Variants in SLC9A9 observed in about 807,000 individuals in gnomAD.
The protein encoded by SLC9A9 is sodium/hydrogen exchanger 9.
A neutral mutation model predicts 77.8 loss-of-function variants in SLC9A9; 62 were observed. That is an observed-to-expected ratio of 0.80 (90% CI 0.65 to 0.98). The LOEUF is 0.98. Among genes scored for constraint, SLC9A9 ranks in the 50% least tolerant of loss-of-function variants. The probability of loss-of-function intolerance (pLI) is 0.00; values close to 1 mark genes in which losing one functional copy is unlikely to be tolerated. For missense variants in SLC9A9, 775 were observed against 774.9 expected (o/e 1.00, Z 0.00); for synonymous variants, 320 against 283.5 (o/e 1.13, Z -1.29).
intron 12 of SLC9A9, among the ~76,000 whole-genome samples, chr3:143,437,894 T>G (rs2034653895): frequency 6.6e-6 from 1 of 152,218 alleles, no homozygotes; most frequent in African/African-American, 2.4e-5. Context: ...GGAAACACAC[T>G]GTCTTTAAGT....
At chr3:143,828,715 G>A (rs978295083) in intron 2 of SLC9A9, among the ~76,000 whole-genome samples, 18 of 152,150 alleles carry the variant, frequency 1.2e-4, no homozygotes, top group Non-Finnish European at 2.6e-4. Flanking sequence ...GGGTAGACGT[G>A]AGGCCATTTT....
intron 8 of SLC9A9, among the ~76,000 whole-genome samples, chr3:143,563,325 C>T (rs2037117805): frequency 6.6e-6 from 1 of 152,176 alleles, no homozygotes; most frequent in Admixed American, 6.5e-5. Flanking sequence ...ATGACTTCCA[C>T]TTCTGGACCC....
At chr3:143,600,011 C>CT (rs560596066) in intron 6 of SLC9A9, among the ~76,000 whole-genome samples, 22 of 149,274 alleles carry the variant, frequency 1.5e-4, no homozygotes, top group East Asian at 5.8e-4. Flanking sequence ...GTTTTGCTAC[C>CT]TTTTTTTTTT....
chr3:143,695,809 G>T (rs1294409053), intron 4 of SLC9A9, among the ~76,000 whole-genome samples: 1 of 152,116 alleles, frequency 6.6e-6, no homozygotes, highest in Non-Finnish European at 1.5e-5. Context: ...CAGTGTAAAA[G>T]CAGCTGTTGT....
chr3:143,541,626 C>T (rs1195657319), intron 9 of SLC9A9, among the ~76,000 whole-genome samples: 1 of 152,034 alleles, frequency 6.6e-6, no homozygotes, highest in African/African-American at 2.4e-5. Context: ...AGTGCATATC[C>T]CTTGAGCAAT....
intron 12 of SLC9A9, among the ~76,000 whole-genome samples, chr3:143,390,210 A>G (rs1458771895): frequency 6.6e-6 from 1 of 152,180 alleles, no homozygotes; most frequent in Non-Finnish European, 1.5e-5. Flanking sequence ...ATGAAACTCT[A>G]TTGGGCTGAT....
At chr3:143,801,547 C>T (rs1465582604) in intron 2 of SLC9A9, among the ~76,000 whole-genome samples, 1 of 152,178 alleles carries the variant, frequency 6.6e-6, no homozygotes, top group African/African-American at 2.4e-5. Flanking sequence ...GGATACCACA[C>T]CTGACCCCCA....
At chr3:143,354,517 C>T (rs2032539920) in intron 14 of SLC9A9, among the ~76,000 whole-genome samples, 1 of 152,192 alleles carries the variant, frequency 6.6e-6, no homozygotes, top group Non-Finnish European at 1.5e-5. Flanking sequence ...CTGTGTCTCA[C>T]TGGCAGGTGG....
chr3:143,762,473 T>C (rs2007165451), intron 4 of SLC9A9, among the ~76,000 whole-genome samples: 1 of 152,174 alleles, frequency 6.6e-6, no homozygotes, highest in Non-Finnish European at 1.5e-5. Flanking sequence ...CCTTAACAAA[T>C]AATTAAAATA....
intron 4 of SLC9A9, among the ~76,000 whole-genome samples, chr3:143,766,700 G>C (rs1412021417): frequency 6.6e-6 from 1 of 152,148 alleles, no homozygotes; most frequent in African/African-American, 2.4e-5. Flanking sequence ...CTTCTGAATA[G>C]TTGGAACTAC....
intron 12 of SLC9A9, among the ~76,000 whole-genome samples, chr3:143,420,347 T>C (rs77421397): frequency 6.6e-6 from 1 of 152,232 alleles, no homozygotes; most frequent in East Asian, 1.9e-4. Context: ...GCCATCAATA[T>C]TTATTATTAC....
At chr3:143,848,023 C>G (rs1048569790) in intron 1 of SLC9A9, 125 bp downstream of exon 1, 1 of 1,013,416 alleles carries the variant, frequency 9.9e-7, no homozygotes, top group East Asian at 2.5e-5. Context: ...CAGCACCTTT[C>G]ATCAAACTAA....
At chr3:143,585,132 A>G (rs1280299452) in intron 6 of SLC9A9, among the ~76,000 whole-genome samples, 1 of 152,176 alleles carries the variant, frequency 6.6e-6, no homozygotes, top group Non-Finnish European at 1.5e-5. Flanking sequence ...CAGCTGCCAC[A>G]AGATCTTCCA....
At chr3:143,513,855 T>G (rs1389618101) in intron 9 of SLC9A9, among the ~76,000 whole-genome samples, 1 of 152,230 alleles carries the variant, frequency 6.6e-6, no homozygotes, top group Non-Finnish European at 1.5e-5. Flanking sequence ...TTTATTATAC[T>G]TTAAGTTCTA....
chr3:143,495,309 C>T (rs1429976109), intron 10 of SLC9A9, 26 bp downstream of exon 10: 1 of 1,526,704 alleles, frequency 6.6e-7, no homozygotes, highest in Non-Finnish European at 9.1e-7. Flanking sequence ...CTCTAATCAC[C>T]CCATGTTCTG....
At chr3:143,716,680 G>A (rs1934361345) in intron 4 of SLC9A9, among the ~76,000 whole-genome samples, 1 of 152,168 alleles carries the variant, frequency 6.6e-6, no homozygotes, top group African/African-American at 2.4e-5. Flanking sequence ...TTCAAAAGAT[G>A]AGGGACAAAG....
At chr3:143,448,417 T>G (rs2034883237) in intron 12 of SLC9A9, among the ~76,000 whole-genome samples, 1 of 152,082 alleles carries the variant, frequency 6.6e-6, no homozygotes, top group Non-Finnish European at 1.5e-5. Context: ...TCAAGATGTT[T>G]TACTGAATGA....
At chr3:143,546,336 G>A (rs565680484) in intron 9 of SLC9A9, among the ~76,000 whole-genome samples, 1 of 152,206 alleles carries the variant, frequency 6.6e-6, no homozygotes, top group Non-Finnish European at 1.5e-5. Flanking sequence ...TGGAAAGAAT[G>A]TGCTATAATG....
intron 14 of SLC9A9, among the ~76,000 whole-genome samples, chr3:143,359,562 C>T (rs2032685056): frequency 6.6e-6 from 1 of 152,020 alleles, no homozygotes; most frequent in Non-Finnish European, 1.5e-5. Flanking sequence ...CTTGGGGTGC[C>T]TGAGGAAGGA....
Sources: gnomAD v4.1 joint callset for allele counts (sites outside exome capture counted in the v4.1 genomes callset) on GRCh38, gnomAD v4.1.1 for gene constraint, MANE v1.5 for transcripts, NCBI Gene and HGNC (gene_info 2026-07-23, HGNC 2026-07-21) for gene names.